Variants in RIC8B observed in about 807,000 individuals in gnomAD.
RIC8B encodes chaperone Ric-8B.
A neutral mutation model predicts 57.5 loss-of-function variants in RIC8B; 16 were observed. That is an observed-to-expected ratio of 0.28 (90% CI 0.19 to 0.42). The LOEUF (loss-of-function observed/expected upper bound fraction) is 0.42. Ranked by LOEUF, RIC8B falls within the 10% of genes least tolerant of loss-of-function variation. The probability of loss-of-function intolerance (pLI) is 1.00; values close to 1 mark genes in which losing one functional copy is unlikely to be tolerated. For missense variants in RIC8B, 481 were observed against 677.0 expected (o/e 0.71, Z 3.21); for synonymous variants, 216 against 250.8 (o/e 0.86, Z 1.31).
At chr12:106,788,507 C>T (rs1217512892) in intron 2 of RIC8B, among the ~76,000 whole-genome samples, 5 of 152,222 alleles carry the variant, frequency 3.3e-5, no homozygotes, top group South Asian at 4.1e-4. Flanking sequence ...CCCGCCCCTG[C>T]AGCAAACTTT....
intron 2 of RIC8B, among the ~76,000 whole-genome samples, chr12:106,796,197 C>T (rs190965691): frequency 1.2e-4 from 18 of 152,148 alleles, no homozygotes; most frequent in Non-Finnish European, 2.6e-4. Flanking sequence ...TCAAAACAAC[C>T]TTGAAAGGAA....
At chr12:106,820,064 C>T (rs932102582) in intron 3 of RIC8B, among the ~76,000 whole-genome samples, 3 of 152,146 alleles carry the variant, frequency 2.0e-5, no homozygotes, top group African/African-American at 7.2e-5. Context: ...CCTTTTCAAA[C>T]CCTGGGCATT....
intron 4 of RIC8B, among the ~76,000 whole-genome samples, chr12:106,827,609 G>A (rs1468597348): frequency 6.6e-6 from 1 of 152,118 alleles, no homozygotes; most frequent in Non-Finnish European, 1.5e-5. Context: ...TCAAAAGACT[G>A]TTTTTCTTGA....
rs1051422329 is a variant in RIC8B at position 106,889,143 on chromosome 12, C to T, written c.*3128C>T. The T allele has an allele frequency of 6.6e-6, 1 of 152,118 alleles. No individual in the cohort carries two copies. Among genetic ancestry groups the T allele is most frequent in the African/African-American group, 2.4e-5 (1 of 41,416 alleles). 9.4% of individuals were successfully genotyped at this position (152,118 alleles called of 1,614,324 possible). On this transcript the variant is annotated 3_prime_UTR_variant, in exon 10 of 10. Coordinates refer to ENST00000392837, the MANE Select transcript of RIC8B (RefSeq NM_001330145.2). ...ATAATTTACCCCAAATCCCACCATCCTGAGATCATCACTGTTAATGTTTTA... is the reference window on the plus strand; with the variant it reads ...ATAATTTACCCCAAATCCCACCATCTTGAGATCATCACTGTTAATGTTTTA...
chr12:106,798,358 T>C (rs1390045241), intron 2 of RIC8B, among the ~76,000 whole-genome samples: 1 of 152,134 alleles, frequency 6.6e-6, no homozygotes, highest in African/African-American at 2.4e-5. Context: ...TATTTGTAGA[T>C]AAAAAAACTA....
chr12:106,843,743 A>G, intron 5 of RIC8B, 109 bp from the exon 6 acceptor site: 1 of 654,068 alleles, frequency 1.5e-6, no homozygotes, highest in Non-Finnish European at 2.5e-6. Context: ...AAAAAAAAAA[A>G]AGTCCCCACC....
chr12:106,783,517 T>C (rs541906434), intron 1 of RIC8B, among the ~76,000 whole-genome samples: 1 of 152,370 alleles, frequency 6.6e-6, no homozygotes, highest in Admixed American at 6.5e-5. Context: ...CGGAAGGCCC[T>C]TCCAAATCAC....
chr12:106,822,546 A>G (rs1208492494), intron 3 of RIC8B: 1 of 152,254 alleles, frequency 6.6e-6, no homozygotes, highest in Non-Finnish European at 1.5e-5. Flanking sequence ...ATATTCATAC[A>G]TTGGAATACT....
intron 8 of RIC8B, among the ~76,000 whole-genome samples, chr12:106,864,882 A>G (rs1458957907): frequency 6.6e-6 from 1 of 152,130 alleles, no homozygotes; most frequent in Non-Finnish European, 1.5e-5. Context: ...TATGGAATCT[A>G]AGAATCTCTA....
At chr12:106,855,317 G>A (rs1166374480) in intron 7 of RIC8B, among the ~76,000 whole-genome samples, 2 of 152,194 alleles carry the variant, frequency 1.3e-5, no homozygotes, top group Non-Finnish European at 2.9e-5. Context: ...GTTTGCAGAA[G>A]TGTTGCTCCA....
chr12:106,845,843 C>T (rs1435105984), intron 6 of RIC8B, among the ~76,000 whole-genome samples: 1 of 152,168 alleles, frequency 6.6e-6, no homozygotes, highest in Non-Finnish European at 1.5e-5. Flanking sequence ...TTATCAGAGT[C>T]ACCAACTCAA....
intron 4 of RIC8B, among the ~76,000 whole-genome samples, chr12:106,837,647 T>TTG (rs2046672599): frequency 1.4e-5 from 2 of 148,132 alleles, no homozygotes. Context: ...TTGTTTTTTT[T>TTG]TTTTTTTTTT....
chr12:106,783,815 T>G (rs1439204139), intron 1 of RIC8B, among the ~76,000 whole-genome samples, 182 bp from the exon 2 acceptor site: 2 of 152,240 alleles, frequency 1.3e-5, no homozygotes, highest in Non-Finnish European at 1.5e-5. Flanking sequence ...TCTGCTGTAG[T>G]CTTTTCACAC....
intron 4 of RIC8B, among the ~76,000 whole-genome samples, chr12:106,838,078 C>G (rs1313366492): frequency 6.6e-6 from 1 of 152,032 alleles, no homozygotes; most frequent in African/African-American, 2.4e-5. Flanking sequence ...GAGGTATTAC[C>G]ATAATCAAGG....
At chr12:106,840,346 AG>A (rs1236609243) in intron 4 of RIC8B, among the ~76,000 whole-genome samples, 1 of 152,182 alleles carries the variant, frequency 6.6e-6, no homozygotes, top group Admixed American at 6.5e-5. Context: ...GGGGGCTGGG[AG>A]CATGAGCGGG....
At chr12:106,866,407 A>G (rs1393374588) in intron 8 of RIC8B, among the ~76,000 whole-genome samples, 1 of 152,076 alleles carries the variant, frequency 6.6e-6, no homozygotes, top group East Asian at 1.9e-4. Context: ...GATATGGTAA[A>G]TTTCCATTTT....
chr12:106,885,996 C>T lies in RIC8B; in HGVS notation c.1664C>T (p.Thr555Ile). The change falls in exon 10 of 10, where the codon ACC (threonine) becomes ATC (isoleucine). Residue 555 changes from threonine to isoleucine, a missense_variant. Transcript: ENST00000392837. ...ALNQYSVIEE[T>I]SSDTD ...AACCAGTACTCTGTCATCGAAGAGA[C>T]CAGCTCTGACACAGACTAAAAGCAT... 6.2e-7 allele frequency: 1 copy of T among 1,611,924 alleles called. No homozygotes were observed. Among genetic ancestry groups the T allele is most frequent in the Non-Finnish European group, 8.5e-7 (1 of 1,178,182 alleles).
In RIC8B at chr12:106,814,896, C is replaced by T; in HGVS notation, c.333C>T (p.Phe111=). Residue 111 remains phenylalanine, a synonymous_variant, in exon 3 of 10, where the codon TTC becomes TTT. Coordinates refer to ENST00000392837, the MANE Select transcript of RIC8B (RefSeq NM_001330145.2). ...ATTCTTTGGAGAAAGTATCAGAGTTCCCAGTTATTGTGGAGTCATTAAAAT... is the reference window on the plus strand; with the variant it reads ...ATTCTTTGGAGAAAGTATCAGAGTTTCCAGTTATTGTGGAGTCATTAAAAT... ...LDDSLEKVSE[F]PVIVESLKCL... 1 of 1,614,072 alleles carries T rather than the reference C, an allele frequency of 6.2e-7. No homozygotes were observed.
chr12:106,833,488 C>A (rs893062255), intron 4 of RIC8B, among the ~76,000 whole-genome samples: 1 of 152,024 alleles, frequency 6.6e-6, no homozygotes, highest in Non-Finnish European at 1.5e-5. Flanking sequence ...GTAATCCCAG[C>A]TACTTGGGAG....
Sources: allele counts gnomAD v4.1 joint callset (sites outside exome capture counted in the v4.1 genomes callset), GRCh38; gene constraint gnomAD v4.1.1; transcripts MANE v1.5; gene names NCBI Gene and HGNC (gene_info 2026-07-23, HGNC 2026-07-21).